Variants in NBAS observed in about 807,000 individuals in gnomAD.
The protein encoded by NBAS is NBAS subunit of NRZ tethering complex, also known as NAG/BC035112 fusion.
Under a neutral mutation model 302.5 loss-of-function variants are expected in NBAS, and 219 were observed. That is an observed-to-expected ratio of 0.72 (90% CI 0.65 to 0.81). NBAS has a LOEUF of 0.81. Ranked by LOEUF, NBAS falls within the 30% of genes least tolerant of loss-of-function variation. NBAS has a pLI of 0.00. For missense variants in NBAS, 2,932 were observed against 2,841.6 expected, an observed-to-expected ratio of 1.03 and a Z score of -0.72; for synonymous variants, 1,118 against 1,021.6, an observed-to-expected ratio of 1.09 and a Z score of -1.80.
At chr2:15,424,252 A>T in intron 23 of NBAS, 63 bp downstream of exon 23, 2 of 1,579,996 alleles carry the variant, frequency 1.3e-6, no homozygotes, top group Non-Finnish European at 1.7e-6. Flanking sequence ...CCGTGTACTG[A>T]ATCCTAAGGA....
intron 25 of NBAS, among the ~76,000 whole-genome samples, chr2:15,412,984 C>A (rs1388124617): frequency 6.6e-6 from 1 of 152,234 alleles, no homozygotes; most frequent in Non-Finnish European, 1.5e-5. Context: ...TATCTTACTG[C>A]AACTGACACT....
the NBAS span, among the ~76,000 whole-genome samples, chr2:15,087,223 A>C: frequency 7.0e-6 from 1 of 143,192 alleles, no homozygotes; most frequent in Non-Finnish European, 1.5e-5. Flanking sequence ...TTTTTATACA[A>C]ACACACACAC....
intron 10 of NBAS, among the ~76,000 whole-genome samples, chr2:15,505,576 C>T (rs1197285813): frequency 6.6e-6 from 1 of 152,096 alleles, no homozygotes; most frequent in African/African-American, 2.4e-5. Flanking sequence ...CAAAACAAAA[C>T]CGAAAAAATC....
intron 21 of NBAS, among the ~76,000 whole-genome samples, chr2:15,448,047 T>A (rs1678834219): frequency 6.6e-6 from 1 of 152,152 alleles, no homozygotes. Context: ...TTTATAAGGG[T>A]GCTGATCCCA....
rs140261492 is a variant in NBAS, at chr2:15,218,861, T to C, written c.6344A>G (p.Gln2115Arg). 1 of 1,614,278 alleles carries C rather than the reference T, an allele frequency of 6.2e-7. No homozygotes were observed. The highest frequency in any genetic ancestry group is 8.5e-7 in the Non-Finnish European group (1 of 1,180,050). Residue 2115 changes from glutamine (Q) to arginine (R), a missense_variant, in exon 48 of 52, where the codon CAA becomes CGA. Coordinates refer to ENST00000281513, the MANE Select transcript of NBAS (RefSeq NM_015909.4). ...PRIHVLQILG[Q>R]SFHLTEEDSK... Reference sequence around the variant, plus strand: ...GTCCTCCTCAGTCAGGTGAAATGATTGCCCCAAAATCTGCAGCACGTGAAT... The same window carrying C: ...GTCCTCCTCAGTCAGGTGAAATGATCGCCCCAAAATCTGCAGCACGTGAAT...
At chr2:14,952,450 T>C in the NBAS span, among the ~76,000 whole-genome samples, 1 of 152,172 alleles carries the variant, frequency 6.6e-6, no homozygotes, top group Non-Finnish European at 1.5e-5. Context: ...CCAGGCCCTG[T>C]GCAAAGCAAG....
At chr2:15,221,117 A>T (rs1666931337) in intron 47 of NBAS, among the ~76,000 whole-genome samples, 1 of 152,234 alleles carries the variant, frequency 6.6e-6, no homozygotes, top group Non-Finnish European at 1.5e-5. Flanking sequence ...GTGTAAAAAT[A>T]GGATGCTACA....
At chr2:15,063,306 C>T in the NBAS span, among the ~76,000 whole-genome samples, 1 of 151,932 alleles carries the variant, frequency 6.6e-6, no homozygotes, top group Non-Finnish European at 1.5e-5. Context: ...GTGCATCTTT[C>T]AAGGCCCCCT....
intron 38 of NBAS, among the ~76,000 whole-genome samples, chr2:15,325,931 G>C (rs1441933390): frequency 1.3e-5 from 2 of 152,086 alleles, no homozygotes; most frequent in Admixed American, 1.3e-4. Flanking sequence ...GCCATTATAG[G>C]GTTATTAACT....
chr2:15,304,748 G>A (rs1467782766), intron 40 of NBAS, among the ~76,000 whole-genome samples: 5 of 152,196 alleles, frequency 3.3e-5, no homozygotes, highest in Non-Finnish European at 7.3e-5. Context: ...GAGACCTGTA[G>A]AACTTTGCTT....
At chr2:15,008,951 GA>G in the NBAS span, among the ~76,000 whole-genome samples, 901 of 152,170 alleles carry the variant, frequency 5.9e-3, 8 homozygotes, top group South Asian at 0.02. Flanking sequence ...TTTAATAAGT[GA>G]AAAAACTGAG....
chr2:14,868,122 A>C, the NBAS span, among the ~76,000 whole-genome samples: 6 of 152,172 alleles, frequency 3.9e-5, no homozygotes, highest in African/African-American at 9.7e-5. Flanking sequence ...AATCAATGAG[A>C]CTGAAGGTCA....
At chr2:15,170,075 A>G (rs1664222832) in intron 51 of NBAS, among the ~76,000 whole-genome samples, 1 of 152,206 alleles carries the variant, frequency 6.6e-6, no homozygotes, top group African/African-American at 2.4e-5. Context: ...TACGTCTTCT[A>G]GGCTGGGACA....
At position 15,330,607 on chromosome 2, in the gene NBAS, T is replaced by C. The variant is rs1394641628; in HGVS notation, c.4338A>G (p.Arg1446=). The C allele has an allele frequency of 6.2e-7, 1 of 1,613,666 alleles. No individual in the cohort carries two copies. Among genetic ancestry groups the C allele is most frequent in the African/African-American group, 1.3e-5 (1 of 74,858 alleles). ...AAGATGCACTGCTTACCTGAAGGGG[T>C]CGAAGGTAAGTTAAAGACTTCTTCC... is the stretch of plus-strand genomic sequence containing the variant. ...QWWKKSLTYL[R]PLQGQKCGGA... is the part of the protein sequence containing the mutation. Residue 1446 remains arginine, a synonymous_variant, in exon 36 of 52, where the codon CGA becomes CGG. Transcript: ENST00000281513.
chr2:14,989,797 A>T, the NBAS span, among the ~76,000 whole-genome samples: 3 of 152,212 alleles, frequency 2.0e-5, no homozygotes, highest in Admixed American at 6.5e-5. Flanking sequence ...GGTAATACAT[A>T]TGCAAAATGT....
intron 12 of NBAS, among the ~76,000 whole-genome samples, chr2:15,480,322 C>T (rs987349050): frequency 2.0e-5 from 3 of 148,416 alleles, no homozygotes; most frequent in Non-Finnish European, 4.5e-5. Context: ...GCCTGGGCAA[C>T]AAAGCAACAC....
chr2:14,815,904 C>T, the NBAS span, among the ~76,000 whole-genome samples: 1 of 152,156 alleles, frequency 6.6e-6, no homozygotes, highest in African/African-American at 2.4e-5. Context: ...TGTCACACAC[C>T]ATCATACTCC....
At chr2:15,358,433 T>C (rs1673731421) in intron 32 of NBAS, among the ~76,000 whole-genome samples, 1 of 151,998 alleles carries the variant, frequency 6.6e-6, no homozygotes, top group Non-Finnish European at 1.5e-5. Context: ...CATGTGCGCG[T>C]GTGCCCGTGT....
intron 9 of NBAS, among the ~76,000 whole-genome samples, chr2:15,533,599 C>T (rs945396019): frequency 6.6e-6 from 1 of 151,782 alleles, no homozygotes; most frequent in Non-Finnish European, 1.5e-5. Flanking sequence ...ATCATATACA[C>T]AAAACTCAGG....
Sources: gnomAD v4.1 joint callset for allele counts (sites outside exome capture counted in the v4.1 genomes callset) on GRCh38, gnomAD v4.1.1 for gene constraint, MANE v1.5 for transcripts, NCBI Gene and HGNC (gene_info 2026-07-23, HGNC 2026-07-21) for gene names.